ST6GAL1: variants seen among roughly 807,000 people sequenced by gnomAD.
The protein encoded by ST6GAL1 is ST6 beta-galactoside alpha-2,6-sialyltransferase 1, also known as beta-galactoside alpha-2,6-sialyltransferase 1.
ST6GAL1 carries 20 observed loss-of-function variants against 38.0 expected under a neutral mutation model. The ratio of observed to expected loss-of-function variants is 0.53; its 90% CI spans 0.37 to 0.77. The LOEUF is 0.77. ST6GAL1 is among the 30% of genes least tolerant of loss of function. The probability of loss-of-function intolerance (pLI) is 0.00; values close to 1 mark genes in which losing one functional copy is unlikely to be tolerated. For missense variants in ST6GAL1, 432 were observed against 496.4 expected, an observed-to-expected ratio of 0.87 and a Z score of 1.23; for synonymous variants, 196 against 188.2, an observed-to-expected ratio of 1.04 and a Z score of -0.34.
At chr3:187,016,104 CCTTT>C (rs1258315631) in intron 2 of ST6GAL1, among the ~76,000 whole-genome samples, 1 of 152,214 alleles carries the variant, frequency 6.6e-6, no homozygotes, top group Non-Finnish European at 1.5e-5. Flanking sequence ...TTTCATCCTT[CCTTT>C]CTTTCTGTAC....
chr3:187,020,972 T>G (rs2108564491), intron 2 of ST6GAL1, among the ~76,000 whole-genome samples: 1 of 150,862 alleles, frequency 6.6e-6, no homozygotes, highest in East Asian at 2.0e-4. Flanking sequence ...TTTTTTTTTT[T>G]GTTTTTTTTT....
chr3:187,007,410 C>T (rs763449530), intron 2 of ST6GAL1, among the ~76,000 whole-genome samples: 15 of 152,134 alleles, frequency 9.9e-5, no homozygotes, highest in Non-Finnish European at 2.1e-4. Context: ...CACCCAAGTC[C>T]CAGACAAACT....
intron 2 of ST6GAL1, among the ~76,000 whole-genome samples, chr3:187,008,725 C>T (rs1461539833): frequency 2.0e-5 from 3 of 152,074 alleles, no homozygotes; most frequent in Non-Finnish European, 4.4e-5. Context: ...AATACATTCC[C>T]CTTGATAAAA....
At chr3:186,996,031 C>T (rs552699225) in intron 2 of ST6GAL1, among the ~76,000 whole-genome samples, 4 of 152,242 alleles carry the variant, frequency 2.6e-5, no homozygotes, top group African/African-American at 9.6e-5. Flanking sequence ...TGTACCATTC[C>T]TCTCACAAAC....
intron 1 of ST6GAL1, among the ~76,000 whole-genome samples, chr3:186,960,424 C>T (rs1357299499): frequency 1.3e-5 from 2 of 152,050 alleles, no homozygotes; most frequent in Non-Finnish European, 2.9e-5. Flanking sequence ...GGCTGGGCCT[C>T]GAGAGGAAAG....
At chr3:187,014,054 C>T (rs1194456880) in intron 2 of ST6GAL1, among the ~76,000 whole-genome samples, 1 of 152,248 alleles carries the variant, frequency 6.6e-6, no homozygotes, top group Non-Finnish European at 1.5e-5. Context: ...CCCCTGCTTC[C>T]TGGCAGGTAC....
At chr3:186,940,410 C>A (rs1028798020) in intron 1 of ST6GAL1, among the ~76,000 whole-genome samples, 2 of 152,106 alleles carry the variant, frequency 1.3e-5, no homozygotes, top group Non-Finnish European at 2.9e-5. Context: ...TCCTTCTAAC[C>A]CCTTTGTACA....
At chr3:186,990,583 C>G (rs1280893256) in intron 2 of ST6GAL1, among the ~76,000 whole-genome samples, 2 of 151,808 alleles carry the variant, frequency 1.3e-5, no homozygotes, top group Non-Finnish European at 2.9e-5. Context: ...AGTTCTCTAC[C>G]TCACCTCAAC....
rs1356998210 is a variant in ST6GAL1 at position 187,072,842 on chromosome 3, C to T, written c.706-7C>T. On this transcript the variant is annotated splice_region_variant and splice_polypyrimidine_tract_variant and intron_variant, in intron 5 of 7. Coordinates refer to ENST00000169298, the MANE Select transcript of ST6GAL1 (RefSeq NM_173216.2). ...TCAAGCGACAGCTTATCTCTTTCTT[C>T]CTGCAGTTGGTTACCACAGAGAAGC... 6.2e-7 allele frequency: 1 copy of T among 1,612,288 alleles called. No homozygotes were observed. Among genetic ancestry groups the T allele is most frequent in the Admixed American group, 1.7e-5 (1 of 60,020 alleles).
chr3:187,066,588 A>ATGTG lies in ST6GAL1; in HGVS notation c.706-6260_706-6257dup, dbSNP rs754973558. On this transcript the variant is annotated intron_variant, in intron 5 of 7. Coordinates refer to ENST00000169298, the MANE Select transcript of ST6GAL1 (RefSeq NM_173216.2). ...ATATGCACAGTGGTAATATCTGAAG[A>ATGTG]TGTGCGTGCGTGCGTGTGTGTGTGT... Among the ~76,000 whole-genome samples, 491 of 131,406 alleles carry ATGTG rather than the reference A, an allele frequency of 3.7e-3. 1 individual carries two copies. The highest frequency in any genetic ancestry group is 4.1e-3 in the Non-Finnish European group (251 of 60,702). 86.2% of individuals were successfully genotyped at this position (131,406 alleles called of 152,430 possible).
chr3:187,074,132 T>TGA lies in ST6GAL1; in HGVS notation c.805-23_805-22dup, dbSNP rs568599171. ...GCAGCTCACTGGCCCATTTCTCCCT[T>TGA]GAGAGGACCACTTCTTTCTTTTTCA... On this transcript the variant is annotated intron_variant, in intron 6 of 7. Coordinates refer to ENST00000169298, the MANE Select transcript of ST6GAL1 (RefSeq NM_173216.2). The TGA allele has an allele frequency of 3.0e-4, 473 of 1,584,378 alleles. 3 individuals are homozygous for TGA. The African/African-American group carries it at 5.4e-3, about 18-fold the overall frequency.
chr3:186,995,956 T>C (rs1359154044), intron 2 of ST6GAL1, among the ~76,000 whole-genome samples: 3 of 152,194 alleles, frequency 2.0e-5, no homozygotes, highest in Non-Finnish European at 4.4e-5. Context: ...CCTGTCTCTG[T>C]ATAGGTAGAC....
At chr3:187,050,534 A>AAGAGAGAGAGAGAGAGAGAG (rs147505225) in intron 4 of ST6GAL1, among the ~76,000 whole-genome samples, 2 of 87,740 alleles carry the variant, frequency 2.3e-5, no homozygotes, top group Non-Finnish European at 5.7e-5. Flanking sequence ...CTTACAAAGA[A>AAGAGAGAGAGAGAGAGAGAG]AGAGAGAGAG....
At chr3:186,970,540 T>C (rs1715315023) in intron 2 of ST6GAL1, among the ~76,000 whole-genome samples, 1 of 152,116 alleles carries the variant, frequency 6.6e-6, no homozygotes, top group African/African-American at 2.4e-5. Flanking sequence ...AACTATTTTA[T>C]CATCAAAAAG....
At chr3:186,984,626 G>A (rs1715805098) in intron 2 of ST6GAL1, among the ~76,000 whole-genome samples, 1 of 151,958 alleles carries the variant, frequency 6.6e-6, no homozygotes, top group Non-Finnish European at 1.5e-5. Flanking sequence ...TTGTTCAAAT[G>A]TCCCCTTCTC....
intron 5 of ST6GAL1, among the ~76,000 whole-genome samples, chr3:187,063,659 C>T (rs1204957322): frequency 6.6e-6 from 1 of 152,206 alleles, no homozygotes; most frequent in East Asian, 1.9e-4. Flanking sequence ...ACTCTCTGAG[C>T]ACTTCTTCGT....
intron 4 of ST6GAL1, among the ~76,000 whole-genome samples, chr3:187,044,213 G>C (rs1472230903): frequency 6.6e-6 from 1 of 152,226 alleles, no homozygotes; most frequent in African/African-American, 2.4e-5. Flanking sequence ...GTGTAACAGA[G>C]AGCCTTATTT....
In ST6GAL1 at chr3:187,023,546, T is replaced by C. The variant is rs145606634; in HGVS notation, c.-182-15196T>C. On this transcript the variant is annotated intron_variant, in intron 2 of 7. Coordinates refer to ENST00000169298, the MANE Select transcript of ST6GAL1 (RefSeq NM_173216.2). The stretch of plus-strand genomic sequence containing the variant: ...TGTGCACATATACACCATGGAATAC[T>C]ATGCAGCCATGAAAAATGATGAGTT... Among the ~76,000 whole-genome samples the C allele has an allele frequency of 6.6e-3, 999 of 152,294 alleles. 13 individuals are homozygous for C. Among genetic ancestry groups the C allele is most frequent in the African/African-American group, 0.023 (954 of 41,540 alleles).
intron 2 of ST6GAL1, among the ~76,000 whole-genome samples, chr3:187,034,627 C>T (rs184110494): frequency 1.7e-4 from 26 of 152,194 alleles, no homozygotes; most frequent in African/African-American, 3.9e-4. Context: ...TGTGATTCAC[C>T]TCATAAACAG....
Sources: allele counts gnomAD v4.1 joint callset (sites outside exome capture counted in the v4.1 genomes callset), GRCh38; gene constraint gnomAD v4.1.1; transcripts MANE v1.5; gene names NCBI Gene and HGNC (gene_info 2026-07-23, HGNC 2026-07-21).